The following MSRA variants were observed in gnomAD, a reference collection of about 807,000 sequenced individuals.
MSRA encodes the protein mitochondrial peptide methionine sulfoxide reductase.
In MSRA, 54 loss-of-function variants were observed where a neutral mutation model predicts 31.3. That is an observed-to-expected ratio of 1.73 (90% CI 1.39 to 2.17). MSRA has a LOEUF of 2.17. Ranked by LOEUF, MSRA falls within the 30% of genes most tolerant of loss-of-function variation. The pLI is 0.00. For synonymous variants in MSRA, 169 were observed against 116.5 expected (o/e 1.45, Z -2.90); for missense variants, 507 against 300.9 (o/e 1.69, Z -5.07).
chr8:10,107,511 G>GT (rs1210996250), intron 1 of MSRA, among the ~76,000 whole-genome samples: 1 of 152,084 alleles, frequency 6.6e-6, no homozygotes, highest in Non-Finnish European at 1.5e-5. Context: ...GAACATTCCT[G>GT]TTTCATCTTC....
intron 5 of MSRA, among the ~76,000 whole-genome samples, chr8:10,355,916 T>C (rs1804480657): frequency 6.6e-6 from 1 of 152,108 alleles, no homozygotes; most frequent in Non-Finnish European, 1.5e-5. Flanking sequence ...GTCTGAGCCA[T>C]AGGAAACTGG....
At chr8:10,293,814 C>G (rs1311844575) in intron 3 of MSRA, among the ~76,000 whole-genome samples, 1 of 152,150 alleles carries the variant, frequency 6.6e-6, no homozygotes, top group Non-Finnish European at 1.5e-5. Flanking sequence ...ACTGGGGCAG[C>G]AGGTGCTGGG....
At chr8:10,141,127 C>A (rs934784203) in intron 1 of MSRA, among the ~76,000 whole-genome samples, 3 of 152,198 alleles carry the variant, frequency 2.0e-5, no homozygotes, top group Non-Finnish European at 4.4e-5. Context: ...AAAGGAAATT[C>A]ATCTGTCATC....
At chr8:10,159,036 C>T (rs1008479005) in intron 1 of MSRA, among the ~76,000 whole-genome samples, 2 of 152,202 alleles carry the variant, frequency 1.3e-5, no homozygotes, top group Admixed American at 6.5e-5. Context: ...AGATCACTGT[C>T]ACCGTATCAA....
At chr8:10,101,388 T>C (rs1799518299) in intron 1 of MSRA, among the ~76,000 whole-genome samples, 1 of 152,162 alleles carries the variant, frequency 6.6e-6, no homozygotes, top group Non-Finnish European at 1.5e-5. Context: ...AAAATATGCA[T>C]AACATATTTT....
At chr8:10,116,488 A>G (rs1256667550) in intron 1 of MSRA, among the ~76,000 whole-genome samples, 3 of 152,206 alleles carry the variant, frequency 2.0e-5, no homozygotes. Flanking sequence ...GCTCTGCGGT[A>G]CAGAGAACAA....
chr8:10,310,490 T>G (rs1225974893), intron 4 of MSRA, among the ~76,000 whole-genome samples: 1 of 152,226 alleles, frequency 6.6e-6, no homozygotes, highest in African/African-American at 2.4e-5. Flanking sequence ...AAGCTTCTAT[T>G]TAACATTTTT....
At chr8:10,177,975 A>T (rs1585101439) in intron 1 of MSRA, among the ~76,000 whole-genome samples, 1 of 152,166 alleles carries the variant, frequency 6.6e-6, no homozygotes, top group Admixed American at 6.5e-5. Flanking sequence ...CAGGTCAAGA[A>T]CCTGTTCATC....
intron 5 of MSRA, among the ~76,000 whole-genome samples, chr8:10,379,438 C>T (rs1444967316): frequency 6.6e-6 from 1 of 152,244 alleles, no homozygotes; most frequent in African/African-American, 2.4e-5. Context: ...GTGGCGTCAG[C>T]AGAGGGGGAG....
intron 1 of MSRA, among the ~76,000 whole-genome samples, chr8:10,057,630 G>C (rs775329674): frequency 2.6e-5 from 4 of 151,898 alleles, no homozygotes; most frequent in Admixed American, 6.6e-5. Context: ...TGAAACATGC[G>C]GGGGGTGGAC....
Position 10,165,342 on chromosome 8 carries a change from T to G in MSRA, c.143-42491T>G, listed in dbSNP as rs560879242. Among the ~76,000 whole-genome samples the G allele has an allele frequency of 9.9e-5, 15 of 151,182 alleles. No homozygotes were observed. The East Asian group carries it at 2.7e-3, about 27-fold the overall frequency. On this transcript the variant is annotated intron_variant, in intron 1 of 5. Transcript: ENST00000317173. ...CTGGCTTAAGTGCTTCTATTCTTTT[T>G]TTAAAAAACAAACAAACAAACAAAC...
chr8:10,343,070 C>G (rs1406631462), intron 5 of MSRA, among the ~76,000 whole-genome samples: 1 of 146,930 alleles, frequency 6.8e-6, no homozygotes, highest in African/African-American at 2.5e-5. Flanking sequence ...CACACACACA[C>G]ACACATTTTA....
chr8:10,118,090 T>A (rs1461922891), intron 1 of MSRA, among the ~76,000 whole-genome samples: 4 of 152,216 alleles, frequency 2.6e-5, no homozygotes, highest in South Asian at 2.1e-4. Flanking sequence ...TTTCCCTGGG[T>A]GTTCATTCTC....
intron 2 of MSRA, among the ~76,000 whole-genome samples, chr8:10,217,293 A>T (rs949022566): frequency 6.6e-6 from 1 of 152,168 alleles, no homozygotes; most frequent in South Asian, 2.1e-4. Context: ...GCGGCGCGCA[A>T]GTCTCGTGGC....
chr8:10,353,423 C>T (rs1440286485), intron 5 of MSRA, among the ~76,000 whole-genome samples: 1 of 152,186 alleles, frequency 6.6e-6, no homozygotes, highest in Non-Finnish European at 1.5e-5. Flanking sequence ...CTGGGAGGGT[C>T]TGGGAGTCTC....
At chr8:10,266,000 AAC>A (rs1331001691) in intron 3 of MSRA, among the ~76,000 whole-genome samples, 9 of 152,214 alleles carry the variant, frequency 5.9e-5, no homozygotes, top group Non-Finnish European at 1.2e-4. Context: ...CCTGCTGATG[AAC>A]AGTCAGGTTG....
intron 5 of MSRA, among the ~76,000 whole-genome samples, chr8:10,368,532 C>T (rs1805296192): frequency 1.3e-5 from 2 of 152,250 alleles, no homozygotes. Flanking sequence ...GACTCATGGC[C>T]AACACCGGAG....
chr8:10,205,376 G>C (rs929807458), intron 1 of MSRA, among the ~76,000 whole-genome samples: 4 of 152,144 alleles, frequency 2.6e-5, no homozygotes, highest in Admixed American at 1.3e-4. Context: ...GATGTGGGGA[G>C]TGAAGGAAGA....
intron 3 of MSRA, among the ~76,000 whole-genome samples, chr8:10,281,335 G>A (rs1453404015): frequency 6.6e-6 from 1 of 152,084 alleles, no homozygotes; most frequent in African/African-American, 2.4e-5. Flanking sequence ...TGGAAATGTC[G>A]AATAACAAAG....
Sources: gnomAD v4.1 joint callset for allele counts (sites outside exome capture counted in the v4.1 genomes callset) on GRCh38, gnomAD v4.1.1 for gene constraint, MANE v1.5 for transcripts, NCBI Gene and HGNC (gene_info 2026-07-23, HGNC 2026-07-21) for gene names.